Variants in PHF14 observed in about 807,000 individuals in gnomAD.
PHF14 encodes the protein PHD finger protein 14.
In PHF14, 55 loss-of-function variants were observed where a neutral mutation model predicts 117.9. The ratio of observed to expected loss-of-function variants is 0.47; its 90% CI spans 0.38 to 0.58. The LOEUF (loss-of-function observed/expected upper bound fraction) is 0.58. Among genes scored for constraint, PHF14 ranks in the 20% least tolerant of loss-of-function variants. The probability of loss-of-function intolerance (pLI) is 0.00; values close to 1 mark genes in which losing one functional copy is unlikely to be tolerated. For synonymous variants in PHF14, 409 were observed against 368.6 expected (o/e 1.11, Z -1.26); for missense variants, 978 against 1,122.2 (o/e 0.87, Z 1.84).
intron 10 of PHF14, among the ~76,000 whole-genome samples, chr7:11,038,417 T>A (rs144201728): frequency 4.0e-5 from 5 of 125,710 alleles, no homozygotes; most frequent in Non-Finnish European, 8.0e-5. Context: ...GGCGACAGAG[T>A]GAGACTCCAT....
chr7:11,109,779 T>C (rs1787382174), intron 16 of PHF14: 1 of 151,958 alleles, frequency 6.6e-6, no homozygotes, highest in South Asian at 2.1e-4. Flanking sequence ...ATGTGTGATA[T>C]TGTCATAGTA....
chr7:10,982,669 A>T lies in PHF14; in HGVS notation c.410A>T (p.Lys137Ile), dbSNP rs778526109. ...KEKEREKEKE[K>I]ATVSENVAAS... ...AAGGAAAGAGAGAAGGAAAAAGAAA[A>T]AGCAACAGTATCTGAGAATGTGGCT... Residue 137 changes from lysine to isoleucine, a missense_variant, in exon 3 of 18, where the codon AAA becomes ATA. Lys to Ile is a moderately radical substitution (Grantham distance 102). Transcript: ENST00000634607. 1.3e-6 allele frequency: 2 copies of T among 1,580,762 alleles called. No individual in the cohort carries two copies. Among genetic ancestry groups the T allele is most frequent in the South Asian group, 2.3e-5 (2 of 87,304 alleles).
chr7:11,084,028 C>T (rs1562457567), intron 16 of PHF14, among the ~76,000 whole-genome samples: 2 of 152,206 alleles, frequency 1.3e-5, no homozygotes, highest in East Asian at 3.9e-4. Flanking sequence ...TGGAGTATAA[C>T]ATTACATAAG....
At chr7:10,997,321 G>C (rs926593797) in intron 4 of PHF14, among the ~76,000 whole-genome samples, 1 of 152,116 alleles carries the variant, frequency 6.6e-6, no homozygotes, top group South Asian at 2.1e-4. Flanking sequence ...AATAAAAGAA[G>C]GGAAAGTGCA....
intron 17 of PHF14, among the ~76,000 whole-genome samples, chr7:11,162,725 G>C (rs1295847945): frequency 1.4e-5 from 2 of 145,336 alleles, no homozygotes; most frequent in South Asian, 2.2e-4. Flanking sequence ...TTTTGATATG[G>C]AGTTTCGGTC....
chr7:11,064,837 G>A lies in PHF14; in HGVS notation c.2654+2752G>A, dbSNP rs220099. On this transcript the variant is annotated intron_variant, in intron 16 of 17. Transcript: ENST00000634607. ...ATTTCTGTGTCTTGGTTTTCCCCCC[G>A]TTGTACATGATCACAATCATACTTG... Among the ~76,000 whole-genome samples the A allele has an allele frequency of 6.6e-3, 1,006 of 151,994 alleles. 8 individuals are homozygous for A. Among genetic ancestry groups the A allele is most frequent in the Non-Finnish European group, 0.011 (746 of 67,870 alleles).
At chr7:11,109,620 AT>A (rs1490139382) in intron 16 of PHF14, 1 of 151,836 alleles carries the variant, frequency 6.6e-6, no homozygotes, top group East Asian at 1.9e-4. Context: ...AAAGGTAAAT[AT>A]GTTGTACTGA....
chr7:10,979,696 T>G (rs1781989412), intron 2 of PHF14, among the ~76,000 whole-genome samples: 1 of 152,064 alleles, frequency 6.6e-6, no homozygotes, highest in Middle Eastern at 3.2e-3. Context: ...TAAATAAATA[T>G]GGTTTATCTC....
chr7:11,074,516 GT>G (rs1411541513), intron 16 of PHF14, among the ~76,000 whole-genome samples: 6 of 152,046 alleles, frequency 3.9e-5, no homozygotes, highest in African/African-American at 7.2e-5. Flanking sequence ...GGCCCCGTTA[GT>G]TCCAACTTTA....
chr7:11,106,456 A>G (rs1426790940), intron 16 of PHF14: 2 of 950,414 alleles, frequency 2.1e-6, no homozygotes, highest in Non-Finnish European at 2.5e-6. Context: ...AATTTGCACT[A>G]AAATTGTTGT....
At chr7:11,089,436 A>T (rs1173309010) in intron 16 of PHF14, among the ~76,000 whole-genome samples, 1 of 152,178 alleles carries the variant, frequency 6.6e-6, no homozygotes, top group African/African-American at 2.4e-5. Flanking sequence ...CATACCTGTA[A>T]TCCCAGCACC....
intron 17 of PHF14, among the ~76,000 whole-genome samples, chr7:11,157,156 C>T (rs1469604025): frequency 6.6e-6 from 1 of 152,176 alleles, no homozygotes; most frequent in Non-Finnish European, 1.5e-5. Context: ...GGCAATAAAA[C>T]ATCTCATTCA....
chr7:11,118,522 T>TA (rs546377451), intron 17 of PHF14, among the ~76,000 whole-genome samples: 108 of 149,880 alleles, frequency 7.2e-4, no homozygotes, highest in African/African-American at 2.3e-3. Flanking sequence ...TACTTTGCTT[T>TA]AAAAAAAAAA....
In PHF14 at chr7:11,061,776, TTTG is replaced by T; in HGVS notation, c.2482-12_2482-10del. On this transcript the variant is annotated splice_polypyrimidine_tract_variant and intron_variant, in intron 14 of 17. Coordinates refer to ENST00000634607, the MANE Select transcript of PHF14 (RefSeq NM_001007157.2). ...TGGATTTTTGTTTTTTGTTTTTTTT[TTTG>T]TTTTTTTCCAGAGAACCAGAGGACG... 6.7e-7 allele frequency: 1 copy of T among 1,495,634 alleles called. No homozygotes were observed. 92.6% of individuals were successfully genotyped at this position (1,495,634 alleles called of 1,614,324 possible).
At chr7:11,144,871 C>T (rs1429528014) in intron 17 of PHF14, among the ~76,000 whole-genome samples, 1 of 151,604 alleles carries the variant, frequency 6.6e-6, no homozygotes, top group African/African-American at 2.4e-5. Context: ...TGTGATTACA[C>T]TTGTAAGAAG....
intron 5 of PHF14, among the ~76,000 whole-genome samples, chr7:11,019,272 T>G (rs1016341344): frequency 6.6e-6 from 1 of 152,208 alleles, no homozygotes; most frequent in Non-Finnish European, 1.5e-5. Context: ...AAATATTCCC[T>G]CTTCCTCTGT....
chr7:11,016,177 A>G (rs117474868), intron 5 of PHF14, among the ~76,000 whole-genome samples: 3,004 of 152,176 alleles, frequency 0.02, 39 homozygotes, highest in Middle Eastern at 0.044. Flanking sequence ...TCTTTTATAT[A>G]CTATTTGAAC....
At chr7:11,150,368 C>G (rs1788670399) in intron 17 of PHF14, among the ~76,000 whole-genome samples, 1 of 152,096 alleles carries the variant, frequency 6.6e-6, no homozygotes, top group Admixed American at 6.6e-5. Context: ...TAAAGACGAA[C>G]AGAGGCATAA....
At chr7:11,062,958 G>T in intron 16 of PHF14, 1 of 937,978 alleles carries the variant, frequency 1.1e-6, no homozygotes, top group Non-Finnish European at 1.3e-6. Flanking sequence ...TGAGGACACA[G>T]AAATTAAACA....
Sources: gnomAD v4.1 joint callset for allele counts (sites outside exome capture counted in the v4.1 genomes callset) on GRCh38, gnomAD v4.1.1 for gene constraint, MANE v1.5 for transcripts, NCBI Gene and HGNC (gene_info 2026-07-23, HGNC 2026-07-21) for gene names.